RRP1: variants seen among roughly 807,000 people sequenced by gnomAD.
RRP1 encodes ribosomal RNA processing protein 1 homolog A.
A neutral mutation model predicts 54.6 loss-of-function variants in RRP1; 37 were observed. The ratio of observed to expected loss-of-function variants is 0.68; its 90% CI spans 0.52 to 0.89. The LOEUF (loss-of-function observed/expected upper bound fraction) is 0.89. Among genes scored for constraint, RRP1 ranks in the 40% least tolerant of loss-of-function variants. The pLI, the probability that RRP1 is intolerant of heterozygous loss-of-function variation, is 0.00. For missense variants in RRP1, 639 were observed against 612.5 expected, an observed-to-expected ratio of 1.04 and a Z score of -0.46; for synonymous variants, 262 against 244.3, an observed-to-expected ratio of 1.07 and a Z score of -0.67.
At chr21:43,791,624 T>A (rs918694090) in intron 2 of RRP1, among the ~76,000 whole-genome samples, 192 bp downstream of exon 2, 1 of 152,078 alleles carries the variant, frequency 6.6e-6, no homozygotes, top group African/African-American at 2.4e-5. Flanking sequence ...TGCCTCAGCC[T>A]CCCAAGTAGC....
rs778472440 is a variant in RRP1, at chr21:43,802,295, T to C, written c.1031T>C (p.Ile344Thr). The change falls in exon 12 of 13, where the codon ATC becomes ACC. Residue 344 changes from isoleucine to threonine, a missense_variant. Ile to Thr is a moderately conservative substitution (Grantham distance 89, BLOSUM62 -1). Coordinates refer to ENST00000497547, the MANE Select transcript of RRP1 (RefSeq NM_003683.6). ...TCAGGCATTTTCCCTGAAGATGAGATCCCAGAGAAGGCCTGCAGGCGCCTG... is the reference window on the plus strand; with the variant it reads ...TCAGGCATTTTCCCTGAAGATGAGACCCCAGAGAAGGCCTGCAGGCGCCTG... ...LAGGIFPEDE[I>T]PEKACRRLLE... The C allele has an allele frequency of 6.2e-7, 1 of 1,612,914 alleles. No homozygotes were observed. The highest frequency in any genetic ancestry group is 1.7e-5 in the Admixed American group (1 of 59,922).
chr21:43,793,148 C>T (rs1331623728), intron 3 of RRP1, 171 bp from the exon 4 acceptor site: 1 of 631,600 alleles, frequency 1.6e-6, no homozygotes, highest in East Asian at 2.7e-5. Context: ...CTCTAAAAAT[C>T]CTCATGTCCA....
At chr21:43,799,765 T>C (rs1431718410) in intron 9 of RRP1, 116 bp downstream of exon 9, 2 of 986,022 alleles carry the variant, frequency 2.0e-6, no homozygotes, top group African/African-American at 1.6e-5. Flanking sequence ...GCATGGAGAG[T>C]TACCCGGACA....
Position 43,801,166 on chromosome 21 carries a change from G to A in RRP1, c.1009+285G>A, listed in dbSNP as rs1442227121. ...CCCAAGCACTGACCGCGGTGCTGCT[G>A]CTGGTCTGTTGGGCAGCACACGTCT... On this transcript the variant is annotated intron_variant, in intron 11 of 12. Transcript: ENST00000497547. 2.0e-5 allele frequency among the ~76,000 whole-genome samples: 3 copies of A among 152,360 alleles called. No individual in the cohort carries two copies. In the South Asian group the frequency reaches 6.2e-4, roughly 32 times the overall value.
Position 43,797,467 on chromosome 21 carries a change from C to T in RRP1, c.468C>T (p.His156=). The T allele has an allele frequency of 2.5e-6, 4 of 1,613,708 alleles. No individual in the cohort carries two copies. Among genetic ancestry groups the T allele is most frequent in the African/African-American group, 1.3e-5 (1 of 75,022 alleles). The change falls in exon 6 of 13, where the codon CAC becomes CAT. Residue 156 remains histidine (H), a synonymous_variant. Transcript: ENST00000497547. ...AGCTGCTGATGACTGAGATCCTGCA[C>T]CCCAGCAGCCAGGCCCCCAACGGTG... ...LLELLMTEIL[H]PSSQAPNGVK... is the part of the protein sequence containing the mutation.
In RRP1 at chr21:43,803,566, G is replaced by A. The variant is rs754318876; in HGVS notation, c.1178G>A (p.Arg393Lys). The change falls in exon 13 of 13, where the codon AGG becomes AAG. Residue 393 changes from arginine to lysine, a missense_variant. Coordinates refer to ENST00000497547, the MANE Select transcript of RRP1 (RefSeq NM_003683.6). ...GGCATGGAGAGGAAGAGGAGCAGGA[G>A]GAGGGGTGTAGGGGCCGACCCCGAG... ...SPGMERKRSR[R>K]RGVGADPEAR... 3.9e-6 allele frequency: 6 copies of A among 1,556,292 alleles called. No individual in the cohort carries two copies. In the East Asian group the frequency reaches 9.6e-5, roughly 25 times the overall value.
intron 8 of RRP1, 58 bp downstream of exon 8, chr21:43,798,158 C>A: frequency 6.9e-7 from 1 of 1,458,092 alleles, no homozygotes; most frequent in Non-Finnish European, 9.2e-7. Context: ...TGAGCCAGTG[C>A]GATCTCCTGC....
At chr21:43,794,198 C>T (rs1189369510) in intron 4 of RRP1, among the ~76,000 whole-genome samples, 1 of 152,118 alleles carries the variant, frequency 6.6e-6, no homozygotes, top group Non-Finnish European at 1.5e-5. Flanking sequence ...AAGTGGAGAC[C>T]AGGGCGGGAA....
At chr21:43,790,880 C>G in intron 1 of RRP1, 1 of 416,564 alleles carries the variant, frequency 2.4e-6, no homozygotes, top group Non-Finnish European at 4.9e-6. Flanking sequence ...CGTGAGCCAC[C>G]GCACCTGGCC....
intron 4 of RRP1, among the ~76,000 whole-genome samples, chr21:43,794,819 CG>C (rs2084999899): frequency 6.6e-6 from 1 of 152,210 alleles, no homozygotes; most frequent in Non-Finnish European, 1.5e-5. Flanking sequence ...CTCCACCGCC[CG>C]TGGGGGTAGC....
intron 12 of RRP1, among the ~76,000 whole-genome samples, chr21:43,803,030 ACTCT>A (rs1302949633): frequency 6.6e-6 from 1 of 151,888 alleles, no homozygotes; most frequent in African/African-American, 2.4e-5. Context: ...CTTCCCTGTT[ACTCT>A]CTCCATGCTA....
At chr21:43,793,914 G>C (rs767850872) in intron 4 of RRP1, among the ~76,000 whole-genome samples, 3 of 152,174 alleles carry the variant, frequency 2.0e-5, no homozygotes, top group Non-Finnish European at 4.4e-5. Flanking sequence ...GAGGTGCAGC[G>C]TGTTGCTGCC....
At position 43,803,957 on chromosome 21, in the gene RRP1, C is replaced by T; in HGVS notation, c.*183C>T. 3 of 731,578 alleles carry T rather than the reference C, an allele frequency of 4.1e-6. No homozygotes were observed. The highest frequency in any genetic ancestry group is 6.3e-6 in the Non-Finnish European group (3 of 472,774). 45.3% of individuals were successfully genotyped at this position (731,578 alleles called of 1,614,324 possible). A position where few individuals can be genotyped will look rare whatever the true frequency, so the allele number is the denominator to read the frequency against. On this transcript the variant is annotated 3_prime_UTR_variant, in exon 13 of 13. Transcript: ENST00000497547. ...AGGGGCCAGCATCCCAGGAACTGGA[C>T]CTTTCCCCAGAGCCTCCGCCTGTGG...
At chr21:43,799,307 T>C (rs2085057162) in intron 8 of RRP1, among the ~76,000 whole-genome samples, 1 of 151,602 alleles carries the variant, frequency 6.6e-6, no homozygotes, top group African/African-American at 2.4e-5. Flanking sequence ...CTTTTTTTCC[T>C]TTGCAGGCCT....
chr21:43,794,668 A>C (rs1164404442), intron 4 of RRP1, among the ~76,000 whole-genome samples: 1 of 152,166 alleles, frequency 6.6e-6, no homozygotes, highest in Non-Finnish European at 1.5e-5. Flanking sequence ...ATGGAGGGAA[A>C]TGGCATTGTT....
At chr21:43,802,188 C>T in intron 11 of RRP1, 86 bp from the exon 12 acceptor site, 3 of 927,898 alleles carry the variant, frequency 3.2e-6, no homozygotes, top group Non-Finnish European at 5.2e-6. Context: ...GGAGGTGGTG[C>T]TGGCTGGGGC....
Position 43,798,093 on chromosome 21 carries a change from G to A in RRP1, c.804G>A (p.Pro268=), listed in dbSNP as rs746385277. 18 of 1,609,596 alleles carry A rather than the reference G, an allele frequency of 1.1e-5. No homozygotes were observed. The East Asian group carries it at 1.6e-4, about 14-fold the overall frequency. The change falls in exon 8 of 13, where the codon CCG becomes CCA. Residue 268 remains proline, a synonymous_variant. Coordinates refer to ENST00000497547, the MANE Select transcript of RRP1 (RefSeq NM_003683.6). ...TGTCCCAGAAGAGGTCTGAGAAGCC[G>A]CCCGCAGGTGGGGGTCACACTGCGC... ...DALSQKRSEK[P]PAGSICRAEP...
intron 1 of RRP1, chr21:43,790,813 T>G (rs2084949069): frequency 2.9e-6 from 1 of 343,844 alleles, no homozygotes; most frequent in African/African-American, 2.2e-5. Flanking sequence ...GGTCTTGAAC[T>G]CCTGGCCTCA....
intron 8 of RRP1, among the ~76,000 whole-genome samples, chr21:43,799,287 C>T (rs2085056917): frequency 6.6e-6 from 1 of 151,834 alleles, no homozygotes; most frequent in African/African-American, 2.4e-5. Context: ...GCACCTGTGC[C>T]CTGGGACATC....
Sources: allele counts gnomAD v4.1 joint callset (sites outside exome capture counted in the v4.1 genomes callset), GRCh38; gene constraint gnomAD v4.1.1; transcripts MANE v1.5; gene names NCBI Gene and HGNC (gene_info 2026-07-23, HGNC 2026-07-21).